The following GCSAML variants were observed in gnomAD, a reference collection of about 807,000 sequenced individuals.
GCSAML encodes the protein germinal center-associated signaling and motility-like protein.
A neutral mutation model predicts 13.0 loss-of-function variants in GCSAML; 9 were observed. The observed-to-expected ratio is 0.69, with a 90% CI of 0.42 to 1.21. The LOEUF is 1.21. GCSAML is among the 50% of genes most tolerant of loss of function. The pLI, the probability that GCSAML is intolerant of heterozygous loss-of-function variation, is 0.00. For synonymous variants in GCSAML, 37 were observed against 52.9 expected, an observed-to-expected ratio of 0.70 and a Z score of 1.31; for missense variants, 143 against 153.4, an observed-to-expected ratio of 0.93 and a Z score of 0.36.
chr1:247,530,664 T>C (rs6690833), intron 2 of GCSAML: 150,946 of 152,402 alleles, frequency 0.99, 74,765 homozygotes, highest in East Asian at 1. Flanking sequence ...TTAGCGTTGT[T>C]ACCTCTATAT....
upstream of GCSAML, among the ~76,000 whole-genome samples, chr1:247,545,350 A>G (rs559951654): frequency 3.9e-5 from 6 of 152,368 alleles, no homozygotes; most frequent in African/African-American, 1.4e-4. Context: ...ACAATTTTTT[A>G]TATAGGCAAA....
intron 2 of GCSAML, among the ~76,000 whole-genome samples, chr1:247,543,625 C>T (rs1010137885): frequency 2.0e-5 from 3 of 152,034 alleles, no homozygotes; most frequent in Admixed American, 6.6e-5. Context: ...ATAATAGGGA[C>T]TTATATGGAG....
intron 1 of GCSAML, chr1:247,525,518 T>A (rs1276401631): frequency 1.3e-5 from 2 of 152,222 alleles, no homozygotes; most frequent in African/African-American, 4.8e-5. Context: ...CAGTTTATTG[T>A]AAAGGATATC....
At chr1:247,531,305 A>G in intron 2 of GCSAML, 2 of 519,642 alleles carry the variant, frequency 3.8e-6, no homozygotes, top group Non-Finnish European at 6.8e-6. Context: ...ACAAAACAAG[A>G]TGACAGTCAA....
rs1243087071 is a variant in GCSAML at position 247,521,378 on chromosome 1, C to CCTCTCA, written c.-262-5557_-262-5556insACTCTC. 8.7e-4 allele frequency among the ~76,000 whole-genome samples: 131 copies of CCTCTCA among 151,030 alleles called. 4 individuals are homozygous for CCTCTCA. Among genetic ancestry groups the CCTCTCA allele is most frequent in the African/African-American group, 3.0e-3 (122 of 40,682 alleles). ...TCTCCCTCTCCACGGTCTCCCTCTC[C>CCTCTCA]CTCTCCACGGTCTCCCTCTCCCTCT... On this transcript the variant is annotated intron_variant, in intron 1 of 5. Coordinates refer to the GCSAML transcript ENST00000366489.
At position 247,523,960 on chromosome 1, in the gene GCSAML, G is replaced by T. The variant is rs1458712615; in HGVS notation, c.-262-2980G>T. 2.0e-5 allele frequency among the ~76,000 whole-genome samples: 3 copies of T among 150,598 alleles called. No homozygotes were observed. In the East Asian group the frequency reaches 6.0e-4, roughly 30 times the overall value. On this transcript the variant is annotated intron_variant, in intron 1 of 5. Transcript: ENST00000366489. ...CAGCTAGCGAAATAAATTGTTTTGG[G>T]ACAATTGACTGAACATTTGGAAAAC...
At chr1:247,550,204 T>C (rs1172635850) in intron 1 of GCSAML, among the ~76,000 whole-genome samples, 1 of 152,172 alleles carries the variant, frequency 6.6e-6, no homozygotes, top group Non-Finnish European at 1.5e-5. Flanking sequence ...ACAAAGTAGG[T>C]CAGAGAAGCT....
At chr1:247,513,245 C>T (rs901680840) in intron 1 of GCSAML, among the ~76,000 whole-genome samples, 7 of 152,168 alleles carry the variant, frequency 4.6e-5, no homozygotes, top group African/African-American at 1.4e-4. Context: ...CTGGCTACAG[C>T]GGCTTTGCTG....
intron 1 of GCSAML, among the ~76,000 whole-genome samples, chr1:247,520,918 T>C (rs7529224): frequency 0.024 from 3,688 of 152,314 alleles, 147 homozygotes; most frequent in African/African-American, 0.083. Context: ...GTGTTTCTTA[T>C]TAAGCCTCTG....
intron 1 of GCSAML, chr1:247,518,621 A>T (rs1666304700): frequency 6.6e-6 from 1 of 152,028 alleles, no homozygotes; most frequent in African/African-American, 2.4e-5. Context: ...AGGCGGGAAC[A>T]CTCACCCCGC....
intron 2 of GCSAML, among the ~76,000 whole-genome samples, chr1:247,560,793 C>T (rs1316822120): frequency 2.0e-5 from 3 of 152,118 alleles, no homozygotes; most frequent in African/African-American, 4.8e-5. Context: ...ACTCTTTTAG[C>T]GAATTTCAAG....
chr1:247,570,855 AG>A (rs1668579773), intron 4 of GCSAML, among the ~76,000 whole-genome samples: 1 of 152,110 alleles, frequency 6.6e-6, no homozygotes, highest in Non-Finnish European at 1.5e-5. Context: ...GTCTCTTTTT[AG>A]GTCTCTAAAG....
chr1:247,573,272 GTGCTTGAAACCCAGTTTTA>G (rs1328651841), intron 4 of GCSAML, among the ~76,000 whole-genome samples: 1 of 152,176 alleles, frequency 6.6e-6, no homozygotes, highest in Non-Finnish European at 1.5e-5. Flanking sequence ...ACTCAGTTTT[GTGCTTGAAACCCAGTTTTA>G]TGCTTGAAAC....
chr1:247,544,898 G>T (rs956296690), upstream of GCSAML, among the ~76,000 whole-genome samples: 4 of 152,050 alleles, frequency 2.6e-5, no homozygotes, highest in Non-Finnish European at 5.9e-5. Flanking sequence ...ACTTTTTTTA[G>T]TATGAAATAA....
At chr1:247,565,517 A>G (rs1180729945) in intron 3 of GCSAML, 1 of 162,926 alleles carries the variant, frequency 6.1e-6, no homozygotes, top group Non-Finnish European at 1.3e-5. Flanking sequence ...TGTTCATTTT[A>G]AAGAATTGTA....
intron 4 of GCSAML, among the ~76,000 whole-genome samples, chr1:247,572,885 A>G (rs1668674720): frequency 6.6e-6 from 1 of 152,220 alleles, no homozygotes; most frequent in South Asian, 2.1e-4. Flanking sequence ...GGAGAAATAT[A>G]GAGAGGCAGT....
At chr1:247,566,948 C>T (rs961094017) in intron 4 of GCSAML, among the ~76,000 whole-genome samples, 1 of 151,570 alleles carries the variant, frequency 6.6e-6, no homozygotes, top group Non-Finnish European at 1.5e-5. Flanking sequence ...TGTGTGTGAA[C>T]GAAAGTATAG....
At chr1:247,543,936 A>G (rs1667487286) in intron 2 of GCSAML, among the ~76,000 whole-genome samples, 1 of 152,136 alleles carries the variant, frequency 6.6e-6, no homozygotes, top group South Asian at 2.1e-4. Flanking sequence ...ACTGACTACA[A>G]GTGTGCGTCA....
At chr1:247,549,283 A>G (rs1224679931) in intron 1 of GCSAML, 63 bp downstream of exon 1, 5 of 1,404,588 alleles carry the variant, frequency 3.6e-6, no homozygotes, top group Non-Finnish European at 5.0e-6. Context: ...AGGAGGCTGG[A>G]CATAACGCAT....
Sources: gnomAD v4.1 joint callset for allele counts (sites outside exome capture counted in the v4.1 genomes callset) on GRCh38, gnomAD v4.1.1 for gene constraint, MANE v1.5 for transcripts, NCBI Gene and HGNC (gene_info 2026-07-23, HGNC 2026-07-21) for gene names.